FRMD3: variants seen among roughly 807,000 people sequenced by gnomAD.
FRMD3 encodes the protein FERM domain containing 3, also known as FERM domain-containing protein 3.
FRMD3 carries 33 observed loss-of-function variants against 70.2 expected under a neutral mutation model. The ratio of observed to expected loss-of-function variants is 0.47; its 90% confidence interval spans 0.36 to 0.63. FRMD3 has a LOEUF of 0.63. Among genes scored for constraint, FRMD3 ranks in the 20% least tolerant of loss-of-function variants. FRMD3 has a pLI of 0.00. For missense variants in FRMD3, 632 were observed against 711.4 expected (o/e 0.89, Z 1.27); for synonymous variants, 279 against 255.9 (o/e 1.09, Z -0.86).
intron 4 of FRMD3, among the ~76,000 whole-genome samples, chr9:83,347,183 C>T (rs77994108): frequency 0.043 from 6,619 of 152,288 alleles, 218 homozygotes; most frequent in East Asian, 0.18. Context: ...GCAGCTTTCA[C>T]GTCAGACTTT....
chr9:83,273,193 G>A (rs1356281685), intron 13 of FRMD3, among the ~76,000 whole-genome samples: 4 of 152,244 alleles, frequency 2.6e-5, no homozygotes, highest in African/African-American at 9.6e-5. Context: ...AATAGAAAAG[G>A]GGGAAATGTG....
chr9:83,439,708 T>C (rs961130787), intron 1 of FRMD3, among the ~76,000 whole-genome samples: 1 of 152,232 alleles, frequency 6.6e-6, no homozygotes, highest in African/African-American at 2.4e-5. Flanking sequence ...ATGATTATTT[T>C]ATTAGTAGAT....
intron 1 of FRMD3, among the ~76,000 whole-genome samples, chr9:83,482,122 T>C (rs534767724): frequency 3.5e-4 from 53 of 152,322 alleles, no homozygotes; most frequent in African/African-American, 1.2e-3. Flanking sequence ...GATTACTTGG[T>C]CCTCAGCCAT....
At chr9:83,582,187 T>C in the FRMD3 span, among the ~76,000 whole-genome samples, 5 of 152,094 alleles carry the variant, frequency 3.3e-5, no homozygotes, top group Admixed American at 6.6e-5. Context: ...TCCTCCCACC[T>C]CAACCTCCCA....
intron 3 of FRMD3, among the ~76,000 whole-genome samples, chr9:83,368,485 T>C (rs1032856816): frequency 1.3e-5 from 2 of 151,670 alleles, no homozygotes; most frequent in African/African-American, 4.8e-5. Flanking sequence ...GCTATGTTAA[T>C]TTAAAAATTA....
At chr9:83,519,056 C>T (rs1054203599) in intron 1 of FRMD3, among the ~76,000 whole-genome samples, 3 of 152,164 alleles carry the variant, frequency 2.0e-5, no homozygotes, top group Non-Finnish European at 4.4e-5. Flanking sequence ...AAAACCTAGG[C>T]AATACCATTC....
At position 83,518,987 on chromosome 9, in the gene FRMD3, T is replaced by C. The variant is rs1430178173; in HGVS notation, c.147+19098A>G. ...CCTTCCTTACACCTTATACAAAAAT[T>C]AACTCAAGATGGATTAAAGATTTAA... is the stretch of plus-strand genomic sequence containing the variant. On this transcript the variant is annotated intron_variant, in intron 1 of 13. Transcript: ENST00000304195. Among the ~76,000 whole-genome samples, 15 of 152,176 alleles carry C rather than the reference T, an allele frequency of 9.9e-5. No homozygotes were observed. In the South Asian group the frequency reaches 2.9e-3, roughly 29 times the overall value.
chr9:83,299,557 G>T (rs1834820130), intron 10 of FRMD3, among the ~76,000 whole-genome samples: 1 of 152,186 alleles, frequency 6.6e-6, no homozygotes, highest in Non-Finnish European at 1.5e-5. Flanking sequence ...TTTGTGACAT[G>T]GCATCAGGAA....
chr9:83,572,809 T>C, the FRMD3 span, among the ~76,000 whole-genome samples: 1 of 152,196 alleles, frequency 6.6e-6, no homozygotes. Context: ...AGCCAGAGAT[T>C]TGGCTTGTTG....
At chr9:83,301,434 G>C (rs1170851191) in intron 10 of FRMD3, among the ~76,000 whole-genome samples, 1 of 151,374 alleles carries the variant, frequency 6.6e-6, no homozygotes, top group Non-Finnish European at 1.5e-5. Context: ...TGGGAGAAGA[G>C]AAAGCTTTAA....
intron 1 of FRMD3, among the ~76,000 whole-genome samples, chr9:83,517,564 A>T: frequency 6.6e-6 from 1 of 152,122 alleles, no homozygotes; most frequent in East Asian, 1.9e-4. Flanking sequence ...CCAGAGGTAC[A>T]AAAAGCACCC....
At chr9:83,370,593 A>G (rs1824939051) in intron 3 of FRMD3, among the ~76,000 whole-genome samples, 1 of 152,182 alleles carries the variant, frequency 6.6e-6, no homozygotes, top group Non-Finnish European at 1.5e-5. Flanking sequence ...TCAAATGCCA[A>G]TCTTTACACC....
chr9:83,245,518 A>G lies in FRMD3; in HGVS notation c.*2400T>C, dbSNP rs982352617. 1 of 976,532 alleles carries G rather than the reference A, an allele frequency of 1.0e-6. No individual in the cohort carries two copies. The highest frequency in any genetic ancestry group is 1.2e-6 in the Non-Finnish European group (1 of 821,826). The allele number at this position is 976,532 out of a possible 1,614,324, so 60.5% of individuals were successfully genotyped here. A position where few individuals can be genotyped will look rare whatever the true frequency, so the allele number is the denominator to read the frequency against. On this transcript the variant is annotated 3_prime_UTR_variant, in exon 14 of 14. Coordinates refer to ENST00000304195, the MANE Select transcript of FRMD3 (RefSeq NM_174938.6). ...ATGAAGTTTCCACCTAAGAGAAAAG[A>G]GATGTTAGCTGGAAATGTTAAAATA...
intron 12 of FRMD3, among the ~76,000 whole-genome samples, chr9:83,294,229 C>T (rs1006890035): frequency 6.6e-6 from 1 of 152,170 alleles, no homozygotes; most frequent in African/African-American, 2.4e-5. Flanking sequence ...CAAGAAGGCA[C>T]CATCTATGAG....
chr9:83,506,766 T>C (rs1468052895), intron 1 of FRMD3, among the ~76,000 whole-genome samples: 1 of 152,266 alleles, frequency 6.6e-6, no homozygotes, highest in Non-Finnish European at 1.5e-5. Flanking sequence ...TTTTACTTTA[T>C]AAGCTTTTTA....
intron 3 of FRMD3, among the ~76,000 whole-genome samples, chr9:83,356,327 G>C (rs1824339070): frequency 7.0e-6 from 1 of 141,996 alleles, no homozygotes; most frequent in Admixed American, 7.2e-5. Flanking sequence ...CCAGGCTGGA[G>C]TGCAGTGGCG....
rs142509903 is a variant in FRMD3 at position 83,315,149 on chromosome 9, C to T, written c.597-1402G>A. Among the ~76,000 whole-genome samples, 329 of 152,058 alleles carry T rather than the reference C, an allele frequency of 2.2e-3. 1 individual carries two copies. Among genetic ancestry groups the T allele is most frequent in the Non-Finnish European group, 3.8e-3 (256 of 67,980 alleles). On this transcript the variant is annotated intron_variant, in intron 6 of 13. Coordinates refer to ENST00000304195, the MANE Select transcript of FRMD3 (RefSeq NM_174938.6). Reference sequence around the variant, plus strand: ...TGTTCTCAGCTCATGATCATGAATTCCTCTTATCCCTCTGAGGGTACCACT... The same window carrying T: ...TGTTCTCAGCTCATGATCATGAATTTCTCTTATCCCTCTGAGGGTACCACT...
Position 83,290,711 on chromosome 9 carries a change from T to C in FRMD3, c.1087A>G (p.Ser363Gly), listed in dbSNP as rs539721479. The C allele has an allele frequency of 6.2e-7, 1 of 1,612,202 alleles. No individual in the cohort carries two copies. The highest frequency in any genetic ancestry group is 8.5e-7 in the Non-Finnish European group (1 of 1,179,016). Reference protein sequence around the residue: ...PEVHRANITQSRSSHSLNKQL... With the variant: ...PEVHRANITQGRSSHSLNKQL... The stretch of plus-strand genomic sequence containing the variant: ...TTGTTCAAGGAGTGGGAACTGCGGC[T>C]CTGAGTAATGTTGGCTCTGAAAACA... Residue 363 changes from serine to glycine, a missense_variant, in exon 13 of 14, where the codon AGC (serine) becomes GGC (glycine). Physicochemically the swap from Ser to Gly is moderately conservative, Grantham distance 56. Transcript: ENST00000304195.
chr9:83,353,652 T>C (rs943516109), intron 3 of FRMD3, among the ~76,000 whole-genome samples: 1 of 152,192 alleles, frequency 6.6e-6, no homozygotes, highest in African/African-American at 2.4e-5. Flanking sequence ...TCTGACAGAA[T>C]CAAAATACAG....
Sources: allele counts gnomAD v4.1 joint callset (sites outside exome capture counted in the v4.1 genomes callset), GRCh38; gene constraint gnomAD v4.1.1; transcripts MANE v1.5; gene names NCBI Gene and HGNC (gene_info 2026-07-23, HGNC 2026-07-21).